RBM6: variants seen among roughly 807,000 people sequenced by gnomAD.
RBM6 encodes the protein RNA-binding protein 6.
RBM6 carries 23 observed loss-of-function variants against 140.4 expected under a neutral mutation model. The observed-to-expected ratio is 0.16, with a 90% CI of 0.12 to 0.23. RBM6 has a LOEUF of 0.23. Among genes scored for constraint, RBM6 ranks in the 10% least tolerant of loss-of-function variants. RBM6 has a pLI of 1.00. For missense variants in RBM6, 1,139 were observed against 1,386.7 expected (o/e 0.82, Z 2.84); for synonymous variants, 439 against 475.6 (o/e 0.92, Z 1.00).
intron 19 of RBM6, among the ~76,000 whole-genome samples, chr3:50,074,237 C>T (rs1033065390): frequency 3.3e-5 from 5 of 152,162 alleles, no homozygotes; most frequent in African/African-American, 1.2e-4. Flanking sequence ...CTCCTTATTT[C>T]GAGATCCAAT....
chr3:49,946,222 G>A (rs1048588191), intron 1 of RBM6, among the ~76,000 whole-genome samples: 1 of 151,824 alleles, frequency 6.6e-6, no homozygotes. Flanking sequence ...TCCACATCCT[G>A]GCCAACACTT....
At chr3:50,031,295 C>T (rs558905050) in intron 6 of RBM6, among the ~76,000 whole-genome samples, 24 of 152,160 alleles carry the variant, frequency 1.6e-4, no homozygotes, top group South Asian at 4.1e-4. Context: ...ATGTTTATTG[C>T]GGCACTATTC....
Position 49,967,259 on chromosome 3 carries a change from G to A in RBM6, c.45-211G>A. ...AAAACCTTGTGTTGACTTTCCTCGT[G>A]TTCTGAAATGGGAGCATAAAAGTTT... is the stretch of plus-strand genomic sequence containing the variant. On this transcript the variant is annotated intron_variant, in intron 2 of 20. Transcript: ENST00000266022. The surrounding 1 kb of genome is among the most constrained non-coding windows in gnomAD (Gnocchi z 4.0). 1 of 1,339,166 alleles carries A rather than the reference G, an allele frequency of 7.5e-7. No homozygotes were observed. The highest frequency in any genetic ancestry group is 9.5e-7 in the Non-Finnish European group (1 of 1,047,536). 83.0% of individuals were successfully genotyped at this position (1,339,166 alleles called of 1,614,324 possible).
At chr3:49,993,788 C>T (rs1355942826) in intron 5 of RBM6, among the ~76,000 whole-genome samples, 2 of 151,048 alleles carry the variant, frequency 1.3e-5, no homozygotes, top group Non-Finnish European at 2.9e-5. Flanking sequence ...GGGCTGGACA[C>T]AGTTGCTCAT....
chr3:50,012,105 C>T (rs1415184935), intron 6 of RBM6, among the ~76,000 whole-genome samples: 1 of 152,112 alleles, frequency 6.6e-6, no homozygotes, highest in African/African-American at 2.4e-5. Flanking sequence ...TCCTGCCTCA[C>T]CTTCCCAAAG....
At chr3:50,013,011 G>A (rs1364292110) in intron 6 of RBM6, among the ~76,000 whole-genome samples, 2 of 151,824 alleles carry the variant, frequency 1.3e-5, no homozygotes, top group African/African-American at 2.4e-5. Flanking sequence ...CTAAAGTGCT[G>A]GGATTACAGG....
At chr3:49,952,725 C>T (rs1162870260) in intron 1 of RBM6, among the ~76,000 whole-genome samples, 5 of 151,866 alleles carry the variant, frequency 3.3e-5, no homozygotes, top group Admixed American at 2.0e-4. Flanking sequence ...CTCAAACTCC[C>T]GACCTCAGGT....
At chr3:49,990,841 G>A (rs2085785406) in intron 5 of RBM6, among the ~76,000 whole-genome samples, 1 of 152,160 alleles carries the variant, frequency 6.6e-6, no homozygotes, top group Non-Finnish European at 1.5e-5. Context: ...ATGATGTTTT[G>A]AACAATGTTT....
intron 7 of RBM6, among the ~76,000 whole-genome samples, chr3:50,050,418 A>T (rs2089421047): frequency 6.6e-6 from 1 of 152,172 alleles, no homozygotes; most frequent in Admixed American, 6.6e-5. Context: ...GCTAAATAAT[A>T]TGAATATATC....
intron 5 of RBM6, among the ~76,000 whole-genome samples, chr3:49,982,262 C>CTTTTTTTTTTTTTTTTTTTTTTTTTT (rs751604271): frequency 1.5e-5 from 1 of 68,426 alleles, no homozygotes; most frequent in African/African-American, 6.0e-5. Context: ...CTTTTCTTTT[C>CTTTTTTTTTTTTTTTTTTTTTTTTTT]TTTTTTTTTT....
intron 6 of RBM6, among the ~76,000 whole-genome samples, chr3:50,046,020 C>T (rs1212538591): frequency 1.3e-5 from 2 of 152,138 alleles, no homozygotes; most frequent in Admixed American, 6.5e-5. Context: ...CAGTGGCTCA[C>T]GTCTGTAATC....
At chr3:49,984,405 C>G (rs1338626765) in intron 5 of RBM6, among the ~76,000 whole-genome samples, 1 of 152,162 alleles carries the variant, frequency 6.6e-6, no homozygotes, top group South Asian at 2.1e-4. Flanking sequence ...CCAGGAGTTA[C>G]AGACCAGCCT....
chr3:49,971,563 G>T (rs1410811944), intron 3 of RBM6, among the ~76,000 whole-genome samples: 2 of 142,074 alleles, frequency 1.4e-5, no homozygotes, highest in African/African-American at 5.2e-5. Flanking sequence ...TTGAGACGGG[G>T]GTCTCGCTCT....
At chr3:49,966,082 T>A (rs758188549) in intron 2 of RBM6, among the ~76,000 whole-genome samples, 2 of 150,652 alleles carry the variant, frequency 1.3e-5, no homozygotes, top group African/African-American at 4.9e-5. Context: ...ACCGAGATCA[T>A]GCCATTGCAC....
intron 4 of RBM6, among the ~76,000 whole-genome samples, chr3:49,974,922 G>A (rs1328066818): frequency 3.3e-5 from 5 of 150,374 alleles, no homozygotes; most frequent in Non-Finnish European, 7.4e-5. Context: ...CCTGACCTCA[G>A]GTTATCCACC....
intron 6 of RBM6, among the ~76,000 whole-genome samples, chr3:50,000,734 A>G (rs987728639): frequency 2.0e-5 from 3 of 152,112 alleles, no homozygotes; most frequent in Admixed American, 2.0e-4. Context: ...CAGAATCTTA[A>G]AAGAAGGCTC....
At chr3:49,943,439 T>C (rs2083368339) in intron 1 of RBM6, among the ~76,000 whole-genome samples, 1 of 152,114 alleles carries the variant, frequency 6.6e-6, no homozygotes, top group Non-Finnish European at 1.5e-5. Flanking sequence ...TAGCTGGGAC[T>C]ACAGGCATGG....
At chr3:50,015,870 C>T (rs2087117435) in intron 6 of RBM6, among the ~76,000 whole-genome samples, 1 of 152,116 alleles carries the variant, frequency 6.6e-6, no homozygotes, top group South Asian at 2.1e-4. Context: ...TACATGTGTA[C>T]ATTGTAGAAT....
At chr3:49,999,321 G>A in intron 5 of RBM6, 119 bp from the exon 6 acceptor site, 2 of 789,330 alleles carry the variant, frequency 2.5e-6, no homozygotes, top group Non-Finnish European at 4.4e-6. Context: ...TGTAGGGGAG[G>A]GAGGGGTTAG....
Sources: gnomAD v4.1 joint callset for allele counts (sites outside exome capture counted in the v4.1 genomes callset) on GRCh38, gnomAD v4.1.1 for gene constraint, Gnocchi (gnomAD v3.1) non-coding constraint, MANE v1.5 for transcripts, NCBI Gene and HGNC (gene_info 2026-07-23, HGNC 2026-07-21) for gene names.